EPB41: variants seen among roughly 807,000 people sequenced by gnomAD.
EPB41 encodes the protein protein 4.1.
A neutral mutation model predicts 108.0 loss-of-function variants in EPB41; 65 were observed. The ratio of observed to expected loss-of-function variants is 0.60; its 90% CI spans 0.49 to 0.74. EPB41 has a LOEUF of 0.74. Ranked by LOEUF, EPB41 falls within the 30% of genes least tolerant of loss-of-function variation. The pLI, the probability that EPB41 is intolerant of heterozygous loss-of-function variation, is 0.00. For missense variants in EPB41, 875 were observed against 1,037.0 expected (o/e 0.84, Z 2.15); for synonymous variants, 336 against 358.9 (o/e 0.94, Z 0.72).
chr1:29,045,416 C>T (rs536002305), intron 11 of EPB41, among the ~76,000 whole-genome samples: 5 of 152,010 alleles, frequency 3.3e-5, no homozygotes, highest in East Asian at 1.9e-4. Context: ...TGCGATGGAG[C>T]GATCACAAGT....
At position 28,914,600 on chromosome 1, in the gene EPB41, C is replaced by A. The variant is rs932563936; in HGVS notation, c.-176C>A. ...AAGGCGGGAGGGCGCGCGCCAGGGTCGCTCGCTCGCTCCCTCCCTCCGCTG... is the reference window on the plus strand; with the variant it reads ...AAGGCGGGAGGGCGCGCGCCAGGGTAGCTCGCTCGCTCCCTCCCTCCGCTG... On this transcript the variant is annotated 5_prime_UTR_variant, in exon 1 of 21. Transcript: ENST00000343067. 143 of 151,606 alleles carry A rather than the reference C, an allele frequency of 9.4e-4. No homozygotes were observed. The highest frequency in any genetic ancestry group is 3.4e-3 in the African/African-American group (140 of 41,388). The allele number at this position is 151,606 out of a possible 1,614,324, so 9.4% of individuals were successfully genotyped here. A position where few individuals can be genotyped will look rare whatever the true frequency, so the allele number is the denominator to read the frequency against.
At chr1:28,927,324 CAG>C (rs1313048793) in intron 1 of EPB41, among the ~76,000 whole-genome samples, 3 of 152,112 alleles carry the variant, frequency 2.0e-5, no homozygotes, top group African/African-American at 7.2e-5. Context: ...TTGATTGAAA[CAG>C]AGAACTGATG....
At chr1:28,898,110 T>C (rs1164179332) in intron 1 of EPB41, among the ~76,000 whole-genome samples, 1 of 152,110 alleles carries the variant, frequency 6.6e-6, no homozygotes, top group Non-Finnish European at 1.5e-5. Flanking sequence ...CTGTCGTTGG[T>C]GTGGCTGGAG....
intron 16 of EPB41, among the ~76,000 whole-genome samples, chr1:29,082,913 A>G (rs149297904): frequency 6.6e-6 from 1 of 152,230 alleles, no homozygotes; most frequent in Admixed American, 6.5e-5. Flanking sequence ...TGTTTGACAG[A>G]TAATTATCAT....
chr1:29,102,951 T>G (rs1665945752), intron 17 of EPB41, among the ~76,000 whole-genome samples: 1 of 152,104 alleles, frequency 6.6e-6, no homozygotes, highest in Non-Finnish European at 1.5e-5. Context: ...TTTTGTACTT[T>G]TAGTAGAGAC....
At chr1:28,897,554 T>TAGGA (rs1419314479) in intron 1 of EPB41, among the ~76,000 whole-genome samples, 2 of 138,744 alleles carry the variant, frequency 1.4e-5, no homozygotes, top group African/African-American at 5.4e-5. Flanking sequence ...TGTAGGTAGG[T>TAGGA]AGGTAGGAAG....
chr1:29,081,047 G>C (rs1234940744), intron 16 of EPB41, among the ~76,000 whole-genome samples: 3 of 152,162 alleles, frequency 2.0e-5, no homozygotes, highest in Admixed American at 1.3e-4. Context: ...CTGTCAGCTA[G>C]TCTTTCTCTT....
At chr1:29,063,641 A>G (rs1646897002) in intron 15 of EPB41, among the ~76,000 whole-genome samples, 2 of 152,350 alleles carry the variant, frequency 1.3e-5, no homozygotes, top group African/African-American at 4.8e-5. Flanking sequence ...TGTTTCCTAC[A>G]GAGCCAAAAA....
intron 1 of EPB41, among the ~76,000 whole-genome samples, chr1:28,945,600 C>T (rs1262980735): frequency 6.6e-6 from 1 of 152,178 alleles, no homozygotes; most frequent in Non-Finnish European, 1.5e-5. Flanking sequence ...TATTGTGGAG[C>T]AGTGAATATA....
chr1:29,109,902 C>T (rs1668581915), intron 18 of EPB41, among the ~76,000 whole-genome samples: 1 of 152,164 alleles, frequency 6.6e-6, no homozygotes. Context: ...GGTGTGGCGG[C>T]ATACACCTGT....
chr1:28,989,431 A>C, intron 2 of EPB41: 1 of 974,538 alleles, frequency 1.0e-6, no homozygotes, highest in Non-Finnish European at 1.2e-6. Context: ...TGCATCGTTA[A>C]AAGTGTAAGT....
chr1:28,943,941 G>C (rs1238968707), intron 1 of EPB41, among the ~76,000 whole-genome samples: 2 of 152,154 alleles, frequency 1.3e-5, no homozygotes, highest in Non-Finnish European at 2.9e-5. Flanking sequence ...GTTTACAATA[G>C]CTAAGATTTG....
At chr1:28,927,718 T>C (rs1208443115) in intron 1 of EPB41, among the ~76,000 whole-genome samples, 1 of 152,198 alleles carries the variant, frequency 6.6e-6, no homozygotes, top group Non-Finnish European at 1.5e-5. Flanking sequence ...TGAACAATTT[T>C]CTATTAATAG....
chr1:28,887,659 C>T lies in EPB41; in HGVS notation c.-8+449C>T. 4.1e-6 allele frequency: 4 copies of T among 985,198 alleles called. No individual in the cohort carries two copies. Among genetic ancestry groups the T allele is most frequent in the Non-Finnish European group, 4.8e-6 (4 of 829,820 alleles). The allele number at this position is 985,198 out of a possible 1,614,324, so 61.0% of individuals were successfully genotyped here. The stretch of plus-strand genomic sequence containing the variant: ...GCTGGCGGCTAGCAGCGGGAGGGGG[C>T]TCCGGGGCCTGGAGCCCCGCGCCCC... On this transcript the variant is annotated intron_variant, in intron 1 of 16. Transcript: ENST00000347529. This position sits in a 1 kb window ranked among gnomAD's most constrained non-coding sequence, Gnocchi z 4.9.
At chr1:28,940,497 C>T (rs2094234873) in intron 1 of EPB41, among the ~76,000 whole-genome samples, 1 of 151,928 alleles carries the variant, frequency 6.6e-6, no homozygotes, top group African/African-American at 2.4e-5. Flanking sequence ...ACTAAAAATA[C>T]AAAAATTAGC....
intron 16 of EPB41, chr1:29,069,490 T>C (rs1014892199): frequency 7.6e-6 from 9 of 1,181,794 alleles, no homozygotes; most frequent in Non-Finnish European, 9.4e-6. Flanking sequence ...TTATAAACTT[T>C]TATACTTTTT....
intron 1 of EPB41, among the ~76,000 whole-genome samples, chr1:28,894,107 G>C (rs16837746): frequency 2.0e-5 from 3 of 152,114 alleles, no homozygotes; most frequent in African/African-American, 7.2e-5. Context: ...CATACAGGTG[G>C]GTGATTCTTT....
chr1:29,056,973 A>G (rs776960073), intron 12 of EPB41, among the ~76,000 whole-genome samples: 5 of 152,196 alleles, frequency 3.3e-5, no homozygotes, highest in Admixed American at 6.5e-5. Flanking sequence ...TAAATGTACA[A>G]TTCTGGGAAG....
chr1:29,071,398 C>T (rs567734027), intron 16 of EPB41: 2 of 152,322 alleles, frequency 1.3e-5, no homozygotes, highest in South Asian at 4.1e-4. Flanking sequence ...AAGTCTGGAA[C>T]ACAGATTTAC....
Sources: allele counts gnomAD v4.1 joint callset (sites outside exome capture counted in the v4.1 genomes callset), GRCh38; gene constraint gnomAD v4.1.1; non-coding constraint Gnocchi (gnomAD v3.1); transcripts MANE v1.5; gene names NCBI Gene and HGNC (gene_info 2026-07-23, HGNC 2026-07-21).